BMS1: variants seen among roughly 807,000 people sequenced by gnomAD.
BMS1 encodes ribosome biogenesis protein BMS1 homolog.
In BMS1, 53 loss-of-function variants were observed where a neutral mutation model predicts 138.7. That is an observed-to-expected ratio of 0.38 (90% confidence interval 0.31 to 0.48). The LOEUF (loss-of-function observed/expected upper bound fraction) is 0.48, where lower values mean the gene tolerates loss of function less well. BMS1 is among the 20% of genes least tolerant of loss of function. BMS1 has a pLI of 0.97. For missense variants in BMS1, 1,360 were observed against 1,565.5 expected (o/e 0.87, Z 2.22); for synonymous variants, 504 against 539.9 (o/e 0.93, Z 0.92).
In BMS1 at chr10:42,791,657, G is replaced by T; in HGVS notation, c.667G>T (p.Val223Leu). The T allele has an allele frequency of 6.2e-7, 1 of 1,613,430 alleles. No homozygotes were observed. ...CAAGCTGTTCTACCTTTCTGGAATG[G>T]TGCATGGAGAATATCAAAACCAAGA... ...GAKLFYLSGMVHGEYQNQEIH... is the reference protein window; with the variant it reads ...GAKLFYLSGMLHGEYQNQEIH... Residue 223 changes from valine (V) to leucine (L), a missense_variant, in exon 6 of 23, where the codon GTG becomes TTG. Transcript: ENST00000374518.
chr10:42,790,511 G>A lies in BMS1; in HGVS notation c.636G>A (p.Pro212=), dbSNP rs762079478. The A allele has an allele frequency of 6.8e-6, 11 of 1,613,208 alleles. No homozygotes were observed. Among genetic ancestry groups the A allele is most frequent in the Admixed American group, 3.3e-5 (2 of 59,946 alleles). ...ACAGGTTCTGGACGGAAGTTTACCC[G>A]GTACGAAGAGAAATAATTGTTGGAT... ...LKHRFWTEVY[P]GAKLFYLSGM... The change falls in exon 5 of 23, where the codon CCG becomes CCA. Residue 212 remains proline (P), a splice_region_variant and synonymous_variant. Transcript: ENST00000374518.
At chr10:42,815,775 A>G (rs1026251396) in intron 13 of BMS1, among the ~76,000 whole-genome samples, 44 of 152,242 alleles carry the variant, frequency 2.9e-4, no homozygotes, top group African/African-American at 1.1e-3. Flanking sequence ...GAAGGAATGA[A>G]TGAGTGAATA....
chr10:42,792,534 T>A lies in BMS1; in HGVS notation c.821T>A (p.Ile274Asn). The A allele has an allele frequency of 6.2e-7, 1 of 1,610,826 alleles. No individual in the cohort carries two copies. Among genetic ancestry groups the A allele is most frequent in the East Asian group, 2.2e-5 (1 of 44,792 alleles). Residue 274 changes from isoleucine to asparagine, a missense_variant, in exon 7 of 23, where the codon ATC becomes AAC. By Grantham distance (149) the Ile-to-Asn change is moderately radical. Around this residue, in one of 3 missense-constraint regions of BMS1, gnomAD observed 697 missense variants for 686.2 expected, o/e 1.02. Coordinates refer to ENST00000374518, the MANE Select transcript of BMS1 (RefSeq NM_014753.4). ...AACCCAGAGGATATCCGAACAAACA[T>A]CAAATGTGACCGGAAGGTGTCACTT... The part of the protein sequence containing the change: ...LTNPEDIRTN[I>N]KCDRKVSLYG...
intron 3 of BMS1, among the ~76,000 whole-genome samples, chr10:42,786,081 C>A (rs1841319125): frequency 2.0e-5 from 3 of 152,206 alleles, no homozygotes; most frequent in Admixed American, 1.3e-4. Context: ...TGATAATGTT[C>A]ACTATGTCTT....
At chr10:42,794,762 TTC>T (rs1264173332) in intron 9 of BMS1, among the ~76,000 whole-genome samples, 2 of 146,138 alleles carry the variant, frequency 1.4e-5, no homozygotes, top group Admixed American at 7.0e-5. Context: ...TATCATTTCC[TTC>T]TTTTTTTTTT....
chr10:42,806,703 C>T (rs1419754992), intron 13 of BMS1, among the ~76,000 whole-genome samples: 1 of 149,606 alleles, frequency 6.7e-6, no homozygotes, highest in Non-Finnish European at 1.5e-5. Flanking sequence ...CCACTGTACT[C>T]CAGCCTGGGC....
Position 42,791,681 on chromosome 10 carries a change from G to C in BMS1, c.691G>C (p.Glu231Gln), listed in dbSNP as rs753307113. 1.1e-5 allele frequency: 17 copies of C among 1,613,698 alleles called. No individual in the cohort carries two copies. Among genetic ancestry groups the C allele is most frequent in the Admixed American group, 1.7e-5 (1 of 59,984 alleles). Residue 231 changes from glutamate to glutamine, a missense_variant, in exon 6 of 23, where the codon GAA (glutamate) becomes CAA (glutamine). By Grantham distance (29) the Glu-to-Gln change is conservative (BLOSUM62 2). Around this residue, in one of 3 missense-constraint regions of BMS1, gnomAD observed 238 missense variants for 311.1 expected, o/e 0.77. Transcript: ENST00000374518. ...GGTGCATGGAGAATATCAAAACCAAGAAATCCACAATCTGGGCCGTTTTAT... is the reference window on the plus strand; with the variant it reads ...GGTGCATGGAGAATATCAAAACCAACAAATCCACAATCTGGGCCGTTTTAT... ...GMVHGEYQNQ[E>Q]IHNLGRFITV...
At chr10:42,809,874 C>T (rs1842118692) in intron 13 of BMS1, among the ~76,000 whole-genome samples, 1 of 152,116 alleles carries the variant, frequency 6.6e-6, no homozygotes, top group Non-Finnish European at 1.5e-5. Context: ...CAGCATCGAC[C>T]TCCTATGCTC....
At chr10:42,829,470 A>G (rs1456258824) in intron 21 of BMS1, among the ~76,000 whole-genome samples, 1 of 152,172 alleles carries the variant, frequency 6.6e-6, no homozygotes, top group Non-Finnish European at 1.5e-5. Context: ...TCTTAATTAG[A>G]ATCAGGAATC....
chr10:42,824,724 C>T (rs1842591104), intron 21 of BMS1, among the ~76,000 whole-genome samples: 1 of 152,142 alleles, frequency 6.6e-6, no homozygotes, highest in Non-Finnish European at 1.5e-5. Flanking sequence ...GTTTTCCCAG[C>T]ACTATTATTG....
Position 42,785,408 on chromosome 10 carries a change from T to C in BMS1, c.177-74T>C, listed in dbSNP as rs1841295890. The C allele has an allele frequency of 4.3e-6, 6 of 1,379,954 alleles. No homozygotes were observed. The East Asian group carries it at 7.5e-5, about 17-fold the overall frequency. 85.5% of individuals were successfully genotyped at this position (1,379,954 alleles called of 1,614,324 possible). A position where few individuals can be genotyped will look rare whatever the true frequency, so the allele number is the denominator to read the frequency against. The stretch of plus-strand genomic sequence containing the variant: ...TAAGTGTACCAAAAAAGTCTACTTA[T>C]AAGGTTGATACCTTTTACTCTATTT... On this transcript the variant is annotated intron_variant, in intron 2 of 22. Coordinates refer to ENST00000374518, the MANE Select transcript of BMS1 (RefSeq NM_014753.4).
At chr10:42,790,196 G>A (rs1841456929) in intron 4 of BMS1, 127 bp from the exon 5 acceptor site, 1 of 837,020 alleles carries the variant, frequency 1.2e-6, no homozygotes, top group Admixed American at 2.1e-5. Context: ...ATGTGGCTAT[G>A]TTCCAATAAA....
At position 42,786,173 on chromosome 10, in the gene BMS1, CAGAT is replaced by C. The variant is rs528998706; in HGVS notation, c.367+504_367+507del. Among the ~76,000 whole-genome samples the C allele has an allele frequency of 1.1e-4, 17 of 152,366 alleles. 3 individuals carry two copies. The South Asian group carries it at 3.5e-3, about 32-fold the overall frequency. Reference sequence around the variant, plus strand: ...TAGTCACCGTGAACACATCATTTAACAGATAGCACGCACCTCCTATGTGCCAGGT... The same window carrying C: ...TAGTCACCGTGAACACATCATTTAACAGCACGCACCTCCTATGTGCCAGGT... On this transcript the variant is annotated intron_variant, in intron 3 of 22. Coordinates refer to ENST00000374518, the MANE Select transcript of BMS1 (RefSeq NM_014753.4).
At chr10:42,818,817 G>A (rs1402180013) in intron 15 of BMS1, among the ~76,000 whole-genome samples, 1 of 152,182 alleles carries the variant, frequency 6.6e-6, no homozygotes. Flanking sequence ...TGGCATGGGC[G>A]AGATGGGGCG....
chr10:42,826,067 T>C (rs1842629974), intron 21 of BMS1, among the ~76,000 whole-genome samples: 1 of 152,206 alleles, frequency 6.6e-6, no homozygotes, highest in African/African-American at 2.4e-5. Flanking sequence ...ATATATCACA[T>C]TGATTGATTT....
intron 3 of BMS1, among the ~76,000 whole-genome samples, chr10:42,785,960 C>A (rs962301532): frequency 6.6e-6 from 1 of 152,146 alleles, no homozygotes; most frequent in African/African-American, 2.4e-5. Flanking sequence ...TGCTCGATTG[C>A]GACACCAGCC....
chr10:42,820,363 C>G lies in BMS1; in HGVS notation c.2708C>G (p.Pro903Arg), dbSNP rs371483133. The G allele has an allele frequency of 1.9e-6, 3 of 1,613,610 alleles. No individual in the cohort carries two copies. Among genetic ancestry groups the G allele is most frequent in the African/African-American group, 2.7e-5 (2 of 74,870 alleles). Residue 903 changes from proline to arginine, a missense_variant, in exon 16 of 23, where the codon CCC becomes CGC. By Grantham distance (103) the Pro-to-Arg change is moderately radical (BLOSUM62 -2). Coordinates refer to ENST00000374518, the MANE Select transcript of BMS1 (RefSeq NM_014753.4). The stretch of plus-strand genomic sequence containing the variant: ...TGTGAATTTGTGCAGAACTTTGACC[C>G]CCATTACCCCATTATCCTGGGTGGC... Reference protein sequence around the residue: ...VPCEFVQNFDPHYPIILGGLG... With the variant: ...VPCEFVQNFDRHYPIILGGLG...
chr10:42,786,275 G>C (rs1008005749), intron 3 of BMS1, among the ~76,000 whole-genome samples: 1 of 152,222 alleles, frequency 6.6e-6, no homozygotes, highest in Admixed American at 6.5e-5. Flanking sequence ...AGAATTGTCT[G>C]CTTTGGGAGA....
intron 7 of BMS1, 84 bp from the exon 8 acceptor site, chr10:42,792,868 GACTGT>G: frequency 6.9e-7 from 1 of 1,446,860 alleles, no homozygotes. Flanking sequence ...TAAGCCCTTG[GACTGT>G]GGATCATATT....
Sources: gnomAD v4.1 joint callset for allele counts (sites outside exome capture counted in the v4.1 genomes callset) on GRCh38, gnomAD v4.1.1 for gene constraint, gnomAD v4.1.1 regional missense constraint, MANE v1.5 for transcripts, NCBI Gene and HGNC (gene_info 2026-07-23, HGNC 2026-07-21) for gene names.